The following ADAM10 variants were observed in gnomAD, a reference collection of about 807,000 sequenced individuals.
ADAM10 encodes the protein disintegrin and metalloproteinase domain-containing protein 10.
A neutral mutation model predicts 90.1 loss-of-function variants in ADAM10; 17 were observed. The ratio of observed to expected loss-of-function variants is 0.19; its 90% CI spans 0.13 to 0.28. The LOEUF is 0.28. Among genes scored for constraint, ADAM10 ranks in the 10% least tolerant of loss-of-function variants. The pLI is 1.00. For synonymous variants in ADAM10, 310 were observed against 298.6 expected, an observed-to-expected ratio of 1.04 and a Z score of -0.40; for missense variants, 610 against 914.3, an observed-to-expected ratio of 0.67 and a Z score of 4.29.
chr15:58,674,356 C>T (rs1228888397), intron 4 of ADAM10, among the ~76,000 whole-genome samples: 1 of 152,182 alleles, frequency 6.6e-6, no homozygotes, highest in Non-Finnish European at 1.5e-5. Context: ...AACCAATACA[C>T]TTGTATGCAC....
chr15:58,745,051 T>C (rs1489110093), intron 1 of ADAM10, among the ~76,000 whole-genome samples: 4 of 152,130 alleles, frequency 2.6e-5, no homozygotes, highest in African/African-American at 9.7e-5. Flanking sequence ...GGCGTGGTGG[T>C]GCGCACCTGT....
At chr15:58,626,398 CAT>C (rs1366961071) in intron 10 of ADAM10, among the ~76,000 whole-genome samples, 5 of 152,284 alleles carry the variant, frequency 3.3e-5, no homozygotes, top group African/African-American at 1.2e-4. Context: ...TTTGCTGTCA[CAT>C]GTTTAACCCC....
chr15:58,672,122 G>C (rs1265384471), intron 4 of ADAM10, among the ~76,000 whole-genome samples: 4 of 152,104 alleles, frequency 2.6e-5, no homozygotes, highest in Non-Finnish European at 5.9e-5. Context: ...AATTTTACTT[G>C]TTAGGGTGAC....
chr15:58,749,016 G>T (rs1215903953), intron 1 of ADAM10: 2 of 399,180 alleles, frequency 5.0e-6, no homozygotes, highest in Non-Finnish European at 8.8e-6. Flanking sequence ...GAGGACTTCG[G>T]AATCCGCCAC....
chr15:58,727,127 C>G (rs1266860893), intron 1 of ADAM10, among the ~76,000 whole-genome samples: 1 of 149,940 alleles, frequency 6.7e-6, no homozygotes, highest in Non-Finnish European at 1.5e-5. Flanking sequence ...TCACCTTAGC[C>G]TTCTGAGTAA....
At chr15:58,682,075 T>A in intron 3 of ADAM10, 121 bp downstream of exon 3, 2 of 1,386,478 alleles carry the variant, frequency 1.4e-6, no homozygotes, top group Non-Finnish European at 2.0e-6. Flanking sequence ...ACCCTTCATA[T>A]GAATTCAACC....
At chr15:58,656,763 C>A (rs1308889690) in intron 5 of ADAM10, among the ~76,000 whole-genome samples, 1 of 152,096 alleles carries the variant, frequency 6.6e-6, no homozygotes, top group East Asian at 1.9e-4. Flanking sequence ...ACACAATATT[C>A]TGTGTACTTA....
At chr15:58,737,970 C>G (rs1899484778) in intron 1 of ADAM10, among the ~76,000 whole-genome samples, 1 of 152,094 alleles carries the variant, frequency 6.6e-6, no homozygotes, top group African/African-American at 2.4e-5. Flanking sequence ...GTTGGCTATA[C>G]AATCTTAAGA....
intron 14 of ADAM10, chr15:58,609,097 T>G (rs1895362597): frequency 6.6e-6 from 1 of 152,160 alleles, no homozygotes; most frequent in African/African-American, 2.4e-5. Flanking sequence ...CCAGAAAGAT[T>G]ATTTGAATCC....
chr15:58,686,898 T>C (rs1226446044), intron 2 of ADAM10, among the ~76,000 whole-genome samples: 1 of 152,176 alleles, frequency 6.6e-6, no homozygotes, highest in Non-Finnish European at 1.5e-5. Context: ...CATACCAAAA[T>C]GCACCTCTTT....
intron 8 of ADAM10, among the ~76,000 whole-genome samples, chr15:58,635,274 C>CAAAAAAAA (rs58106236): frequency 1.4e-4 from 9 of 65,644 alleles, no homozygotes; most frequent in African/African-American, 2.3e-4. Flanking sequence ...GACTCTGTCT[C>CAAAAAAAA]AAAAAAAAAA....
chr15:58,692,458 G>T (rs576261473), intron 2 of ADAM10: 1 of 530,812 alleles, frequency 1.9e-6, no homozygotes, highest in Admixed American at 2.2e-5. Flanking sequence ...CACATCTTCA[G>T]TCTTGGGCTT....
rs956694707 is a variant in ADAM10 at position 58,643,403 on chromosome 15, T to C, written c.828+483A>G. Among the ~76,000 whole-genome samples, 14 of 152,142 alleles carry C rather than the reference T, an allele frequency of 9.2e-5. 1 individual carries two copies. ...AAAACTTGATATATGTTACTGTGAGTTGTGAATTTTCAAGAAGATTATAGT... is the reference window on the plus strand; with the variant it reads ...AAAACTTGATATATGTTACTGTGAGCTGTGAATTTTCAAGAAGATTATAGT... On this transcript the variant is annotated intron_variant, in intron 7 of 15. Coordinates refer to ENST00000260408, the MANE Select transcript of ADAM10 (RefSeq NM_001110.4).
At chr15:58,733,212 C>T (rs138376904) in intron 1 of ADAM10, 1 of 152,354 alleles carries the variant, frequency 6.6e-6, no homozygotes, top group Non-Finnish European at 1.5e-5. Context: ...CTGACAGTGA[C>T]CTCTGAATGT....
intron 5 of ADAM10, among the ~76,000 whole-genome samples, chr15:58,656,248 G>T (rs181725496): frequency 6.6e-6 from 1 of 152,000 alleles, no homozygotes; most frequent in African/African-American, 2.4e-5. Flanking sequence ...TTGGATCTTC[G>T]GGGTTTTTTA....
intron 10 of ADAM10, among the ~76,000 whole-genome samples, chr15:58,624,187 G>A (rs1313245615): frequency 6.6e-6 from 1 of 151,988 alleles, no homozygotes; most frequent in African/African-American, 2.4e-5. Flanking sequence ...TTGGGAGGCT[G>A]AGGCATGAGA....
At chr15:58,723,181 T>C (rs1327991879) in intron 1 of ADAM10, among the ~76,000 whole-genome samples, 10 of 152,182 alleles carry the variant, frequency 6.6e-5, no homozygotes, top group African/African-American at 9.7e-5. Context: ...ACTGGACTTC[T>C]GATGTTGCCC....
At chr15:58,677,914 C>T (rs540279028) in intron 4 of ADAM10, among the ~76,000 whole-genome samples, 2 of 151,686 alleles carry the variant, frequency 1.3e-5, no homozygotes, top group South Asian at 2.1e-4. Flanking sequence ...GGTAACCCTG[C>T]AAAAAAAGGT....
chr15:58,742,708 G>A (rs114332457), intron 1 of ADAM10, among the ~76,000 whole-genome samples: 1 of 152,076 alleles, frequency 6.6e-6, no homozygotes, highest in African/African-American at 2.4e-5. Flanking sequence ...CCTTAACATT[G>A]CTTCCTTTTT....
Sources: gnomAD v4.1 joint callset for allele counts (sites outside exome capture counted in the v4.1 genomes callset) on GRCh38, gnomAD v4.1.1 for gene constraint, MANE v1.5 for transcripts, NCBI Gene and HGNC (gene_info 2026-07-23, HGNC 2026-07-21) for gene names.